The following FRK variants were observed in gnomAD, a reference collection of about 807,000 sequenced individuals.
The protein encoded by FRK is fyn related Src family tyrosine kinase, also known as tyrosine-protein kinase FRK.
FRK carries 51 observed loss-of-function variants against 56.4 expected under a neutral mutation model. The ratio of observed to expected loss-of-function variants is 0.90; its 90% confidence interval spans 0.72 to 1.14. FRK has a LOEUF of 1.14. Ranked by LOEUF, FRK falls within the 50% of genes most tolerant of loss-of-function variation. The pLI, the probability that FRK is intolerant of heterozygous loss-of-function variation, is 0.00. For synonymous variants in FRK, 245 were observed against 217.9 expected, an observed-to-expected ratio of 1.12 and a Z score of -1.10; for missense variants, 570 against 601.4, an observed-to-expected ratio of 0.95 and a Z score of 0.55.
chr6:116,091,552 C>T, the FRK span, among the ~76,000 whole-genome samples: 1 of 152,214 alleles, frequency 6.6e-6, no homozygotes, highest in Non-Finnish European at 1.5e-5. Context: ...AAGGAACCAA[C>T]TCCAGACACA....
chr6:115,980,612 C>T (rs1013045525), intron 2 of FRK, among the ~76,000 whole-genome samples: 4 of 152,106 alleles, frequency 2.6e-5, no homozygotes, highest in African/African-American at 9.7e-5. Context: ...GTTATACTGC[C>T]TTTAAAATAA....
At chr6:116,010,453 C>T (rs1239912054) in intron 1 of FRK, among the ~76,000 whole-genome samples, 1 of 152,058 alleles carries the variant, frequency 6.6e-6, no homozygotes, top group African/African-American at 2.4e-5. Flanking sequence ...AAGGTCTGGA[C>T]TAGAAACTTT....
chr6:116,097,951 T>G, the FRK span, among the ~76,000 whole-genome samples: 1 of 151,930 alleles, frequency 6.6e-6, no homozygotes, highest in Non-Finnish European at 1.5e-5. Flanking sequence ...ACTGCCTTAG[T>G]TGGCTCAGCG....
chr6:116,097,258 T>C, the FRK span, among the ~76,000 whole-genome samples: 43 of 152,230 alleles, frequency 2.8e-4, 1 homozygote, highest in Non-Finnish European at 5.9e-5. Flanking sequence ...CCATAGAGTT[T>C]TATTTTTAGA....
chr6:116,013,841 A>G (rs574431884), intron 1 of FRK, among the ~76,000 whole-genome samples: 2 of 152,296 alleles, frequency 1.3e-5, no homozygotes, highest in South Asian at 4.1e-4. Context: ...AGAAGGGTCA[A>G]TAATGTCAAG....
At chr6:115,981,183 G>C (rs920345722) in intron 2 of FRK, among the ~76,000 whole-genome samples, 1 of 152,058 alleles carries the variant, frequency 6.6e-6, no homozygotes, top group African/African-American at 2.4e-5. Context: ...TTCGAATTAT[G>C]AGAGATTCCT....
the FRK span, among the ~76,000 whole-genome samples, chr6:116,097,392 A>G: frequency 6.6e-5 from 10 of 152,364 alleles, no homozygotes; most frequent in Admixed American, 6.5e-4. Flanking sequence ...TTGAACATAC[A>G]ATGTTTAATT....
At chr6:116,090,804 A>G in the FRK span, among the ~76,000 whole-genome samples, 1 of 152,244 alleles carries the variant, frequency 6.6e-6, no homozygotes. Flanking sequence ...TCAAAGAGAC[A>G]TTAAGTTTAA....
the FRK span, among the ~76,000 whole-genome samples, chr6:116,077,463 C>T: frequency 6.6e-6 from 1 of 152,200 alleles, no homozygotes; most frequent in East Asian, 1.9e-4. Context: ...AATCCTATAG[C>T]TCCCCACCCA....
At chr6:116,014,614 G>A (rs918636004) in intron 1 of FRK, among the ~76,000 whole-genome samples, 7 of 151,290 alleles carry the variant, frequency 4.6e-5, no homozygotes, top group Non-Finnish European at 7.4e-5. Context: ...AATTCCATGT[G>A]GAAACTAACT....
At chr6:116,091,447 G>A in the FRK span, among the ~76,000 whole-genome samples, 11 of 152,062 alleles carry the variant, frequency 7.2e-5, no homozygotes, top group Non-Finnish European at 1.6e-4. Flanking sequence ...GCTTCTGCTC[G>A]CTCTTTGGGT....
chr6:115,960,086 G>A (rs1232403512), intron 4 of FRK, among the ~76,000 whole-genome samples: 3 of 152,140 alleles, frequency 2.0e-5, no homozygotes, highest in Non-Finnish European at 4.4e-5. Context: ...AGCTCCCAGC[G>A]TGAGCGACGC....
intron 1 of FRK, among the ~76,000 whole-genome samples, chr6:116,045,246 A>G (rs941107476): frequency 7.9e-5 from 12 of 152,236 alleles, no homozygotes; most frequent in Admixed American, 1.3e-4. Flanking sequence ...TAAATTTCAT[A>G]TGGAACCAAA....
chr6:116,062,018 G>GAAAGAAAGA (rs1777644680), upstream of FRK, among the ~76,000 whole-genome samples: 1 of 151,046 alleles, frequency 6.6e-6, no homozygotes, highest in African/African-American at 2.4e-5. Flanking sequence ...AAGAAAGAAA[G>GAAAGAAAGA]AAAGAAAAGA....
intron 5 of FRK, among the ~76,000 whole-genome samples, chr6:115,954,256 A>G (rs1184169318): frequency 1.3e-5 from 2 of 152,252 alleles, no homozygotes; most frequent in Admixed American, 1.3e-4. Context: ...GAGAAGTTGT[A>G]GAAGATGAGA....
chr6:115,989,767 T>G (rs971504286), intron 2 of FRK, among the ~76,000 whole-genome samples: 1 of 151,992 alleles, frequency 6.6e-6, no homozygotes, highest in African/African-American at 2.4e-5. Context: ...GGTGTCTTTT[T>G]GGGATAACCA....
chr6:115,953,180 A>ACTTTTTTTTT lies in FRK; in HGVS notation c.958+3271_958+3272insAAAAAAAAAG, dbSNP rs34026302. ...AGAGTGGTACATCCATTTTAAGGCC[A>ACTTTTTTTTT]TTTTTTTTTTTTTTTTTTTTTTTTT... On this transcript the variant is annotated intron_variant, in intron 5 of 7. Coordinates refer to ENST00000606080, the MANE Select transcript of FRK (RefSeq NM_002031.3). Among the ~76,000 whole-genome samples the ACTTTTTTTTT allele has an allele frequency of 8.6e-5, 9 of 104,060 alleles. 4 individuals carry two copies. The highest frequency in any genetic ancestry group is 1.2e-4 in the Admixed American group (1 of 8,178). 68.3% of individuals were successfully genotyped at this position (104,060 alleles called of 152,430 possible).
chr6:116,017,506 G>T (rs1039230259), intron 1 of FRK, among the ~76,000 whole-genome samples: 8 of 152,130 alleles, frequency 5.3e-5, no homozygotes, highest in Admixed American at 3.9e-4. Flanking sequence ...TCTGGCTCAG[G>T]AGACTGCCTG....
rs984953148 is a variant in FRK at position 115,940,907 on chromosome 6, T to C, written c.*1507A>G. Reference sequence around the variant, plus strand: ...CACTTTTACTCTGTTGGTGGGAGTATAAATTAGTTCAACCATTGTGGAGGA... The same window carrying C: ...CACTTTTACTCTGTTGGTGGGAGTACAAATTAGTTCAACCATTGTGGAGGA... On this transcript the variant is annotated 3_prime_UTR_variant, in exon 8 of 8. Coordinates refer to ENST00000606080, the MANE Select transcript of FRK (RefSeq NM_002031.3). 3 of 152,210 alleles carry C rather than the reference T, an allele frequency of 2.0e-5. No individual in the cohort carries two copies. The highest frequency in any genetic ancestry group is 4.4e-5 in the Non-Finnish European group (3 of 68,038). 9.4% of individuals were successfully genotyped at this position (152,210 alleles called of 1,614,324 possible). A position where few individuals can be genotyped will look rare whatever the true frequency, so the allele number is the denominator to read the frequency against.
Sources: gnomAD v4.1 joint callset for allele counts (sites outside exome capture counted in the v4.1 genomes callset) on GRCh38, gnomAD v4.1.1 for gene constraint, MANE v1.5 for transcripts, NCBI Gene and HGNC (gene_info 2026-07-23, HGNC 2026-07-21) for gene names.